The following FBN1 variants were observed in gnomAD, a reference collection of about 807,000 sequenced individuals.
The protein encoded by FBN1 is fibrillin-1.
A neutral mutation model predicts 365.1 loss-of-function variants in FBN1; 29 were observed. The observed-to-expected ratio is 0.08, with a 90% CI of 0.06 to 0.11. The LOEUF is 0.11. Ranked by LOEUF, FBN1 falls within the 10% of genes least tolerant of loss-of-function variation. FBN1 has a pLI of 1.00. For missense variants in FBN1, 2,476 were observed against 3,703.2 expected (o/e 0.67, Z 8.60); for synonymous variants, 1,210 against 1,270.5 (o/e 0.95, Z 1.01).
At position 48,510,179 on chromosome 15, in the gene FBN1, A is replaced by G. The variant is rs1374491947; in HGVS notation, c.1589-10T>C. On this transcript the variant is annotated splice_polypyrimidine_tract_variant and intron_variant, in intron 13 of 65. Transcript: ENST00000316623. ...AAACACTCATCAATGTCTAAAATCA[A>G]AGTTTAAAAAGAAGAAATAGCTTTA... is the stretch of plus-strand genomic sequence containing the variant. 6.2e-7 allele frequency: 1 copy of G among 1,612,632 alleles called. No individual in the cohort carries two copies.
At chr15:48,553,242 A>G (rs574843937) in intron 6 of FBN1, among the ~76,000 whole-genome samples, 1 of 152,292 alleles carries the variant, frequency 6.6e-6, no homozygotes, top group Non-Finnish European at 1.5e-5. Context: ...AGTAAAGACC[A>G]CCATCCCCTC....
chr15:48,461,124 T>C (rs925570215), intron 42 of FBN1, among the ~76,000 whole-genome samples: 36 of 152,186 alleles, frequency 2.4e-4, no homozygotes, highest in Admixed American at 2.0e-4. Context: ...TTATTCTCCT[T>C]GTGTTTTGTC....
chr15:48,531,705 G>C (rs963448755), intron 8 of FBN1, among the ~76,000 whole-genome samples: 12 of 152,134 alleles, frequency 7.9e-5, no homozygotes, highest in African/African-American at 2.9e-4. Flanking sequence ...AAAAGAGCAA[G>C]GACGTCGAAA....
At position 48,581,701 on chromosome 15, in the gene FBN1, G is replaced by T. The variant is rs1454968630; in HGVS notation, c.538+14582C>A. Among the ~76,000 whole-genome samples, 3 of 152,122 alleles carry T rather than the reference G, an allele frequency of 2.0e-5. No homozygotes were observed. In the East Asian group the frequency reaches 5.8e-4, roughly 29 times the overall value. Reference sequence around the variant, plus strand: ...ATAGCAAAGTGTCAGCAGTCTGACTGAAAATCAAAAAGGTGTGAAAAATGA... The same window carrying T: ...ATAGCAAAGTGTCAGCAGTCTGACTTAAAATCAAAAAGGTGTGAAAAATGA... On this transcript the variant is annotated intron_variant, in intron 6 of 65. Transcript: ENST00000316623.
At position 48,636,362 on chromosome 15, in the gene FBN1, T is replaced by C. The variant is rs527754367; in HGVS notation, c.164+8244A>G. ...CCAGGCAATGTCGAGGACATATGAGTCCATGTGACCCCAGCCAGCCAGCCC... is the reference window on the plus strand; with the variant it reads ...CCAGGCAATGTCGAGGACATATGAGCCCATGTGACCCCAGCCAGCCAGCCC... On this transcript the variant is annotated intron_variant, in intron 2 of 65. Transcript: ENST00000316623. Among the ~76,000 whole-genome samples, 3 of 152,004 alleles carry C rather than the reference T, an allele frequency of 2.0e-5. No homozygotes were observed. In the East Asian group the frequency reaches 5.8e-4, roughly 29 times the overall value.
intron 32 of FBN1, among the ~76,000 whole-genome samples, chr15:48,479,981 C>T (rs2043454411): frequency 6.6e-6 from 1 of 152,132 alleles, no homozygotes; most frequent in Non-Finnish European, 1.5e-5. Flanking sequence ...TTGACAATAG[C>T]TTTTATTTAT....
intron 43 of FBN1, 24 bp from the exon 44 acceptor site, chr15:48,456,786 G>C: frequency 3.7e-6 from 6 of 1,610,496 alleles, no homozygotes; most frequent in Non-Finnish European, 5.1e-6. Flanking sequence ...AGTCATTCAT[G>C]AGTGACAGGA....
chr15:48,507,778 G>T (rs975839279), intron 15 of FBN1, among the ~76,000 whole-genome samples: 3 of 152,154 alleles, frequency 2.0e-5, no homozygotes, highest in Admixed American at 6.5e-5. Flanking sequence ...CATTTTAGCA[G>T]ATTTTCTGGA....
intron 44 of FBN1, among the ~76,000 whole-genome samples, chr15:48,453,262 C>T (rs1241622458): frequency 2.4e-5 from 1 of 42,070 alleles, no homozygotes; most frequent in Admixed American, 2.9e-4. Flanking sequence ...AAGTCCAAAA[C>T]AAACAAACAA....
chr15:48,508,734 G>A, intron 14 of FBN1, 30 bp from the exon 15 acceptor site: 1 of 1,612,190 alleles, frequency 6.2e-7, no homozygotes, highest in African/African-American at 1.3e-5. Context: ...ATTTTCTTAT[G>A]ACCAGAAGAG....
rs1260533788 is a variant in FBN1, at chr15:48,432,930, A to G, written c.6675T>C (p.Tyr2225=). Residue 2225 remains tyrosine, a synonymous_variant, in exon 55 of 66, where the codon TAT becomes TAC. Transcript: ENST00000316623. ...CGGGACATTTGCATTCATATGACCC[A>G]TAAGTGTTCACACATCGGAAGGCAC... ...LLCAFRCVNT[Y]GSYECKCPVG... is the part of the protein sequence containing the mutation. 4 of 1,613,514 alleles carry G rather than the reference A, an allele frequency of 2.5e-6. No homozygotes were observed. The highest frequency in any genetic ancestry group is 2.2e-5 in the East Asian group (1 of 44,896).
chr15:48,600,384 T>C, intron 4 of FBN1, 150 bp from the exon 5 acceptor site: 1 of 696,692 alleles, frequency 1.4e-6, no homozygotes, highest in East Asian at 2.7e-5. Context: ...TAATTGAGAA[T>C]GCTAAACATA....
intron 50 of FBN1, 116 bp downstream of exon 50, chr15:48,441,605 T>A: frequency 1.5e-6 from 2 of 1,346,426 alleles, no homozygotes; most frequent in Non-Finnish European, 2.1e-6. Context: ...TCTGGGTGAA[T>A]GAAAACTCTC....
At chr15:48,414,787 T>C (rs958370675) in intron 64 of FBN1, among the ~76,000 whole-genome samples, 2 of 151,480 alleles carry the variant, frequency 1.3e-5, no homozygotes, top group Non-Finnish European at 2.9e-5. Context: ...TCCCAGCTAC[T>C]CCAGAGGCTG....
Position 48,489,863 on chromosome 15 carries a change from G to T in FBN1, c.3070C>A (p.Pro1024Thr). 6.2e-7 allele frequency: 1 copy of T among 1,613,960 alleles called. No homozygotes were observed. The highest frequency in any genetic ancestry group is 1.1e-5 in the South Asian group (1 of 91,074). ...CGTAACATTGTACCTTTGAAGAAAG[G>T]CTTTCCATTTGTAATTTCTTTTGTG... is the stretch of plus-strand genomic sequence containing the variant. ...FATKEITNGK[P>T]FFKDINECKM... Residue 1024 changes from proline (P) to threonine (T), a missense_variant, in exon 25 of 66, where the codon CCT (proline) becomes ACT (threonine). This residue lies in a region of FBN1 where 1,780 missense variants were observed against 2,840.8 expected (regional missense o/e 0.63). Coordinates refer to ENST00000316623, the MANE Select transcript of FBN1 (RefSeq NM_000138.5).
chr15:48,444,513 C>A, intron 49 of FBN1, 28 bp downstream of exon 49: 1 of 1,612,626 alleles, frequency 6.2e-7, no homozygotes, highest in Non-Finnish European at 8.5e-7. Flanking sequence ...CGACACTCCT[C>A]ATTTGCTACA....
chr15:48,438,258 G>A lies in FBN1; in HGVS notation c.6164-341C>T, dbSNP rs187038962. Among the ~76,000 whole-genome samples, 162 of 152,238 alleles carry A rather than the reference G, an allele frequency of 1.1e-3. 2 individuals carry two copies. The highest frequency in any genetic ancestry group is 1.0e-3 in the South Asian group (5 of 4,822). On this transcript the variant is annotated intron_variant, in intron 50 of 65. Transcript: ENST00000316623. ...TTCAGGATTGGAAAGTCCACAGAAG[G>A]AATCATTCACAAGATTCCTTCATTG...
At chr15:48,589,838 G>C (rs907284195) in intron 6 of FBN1, among the ~76,000 whole-genome samples, 8 of 151,946 alleles carry the variant, frequency 5.3e-5, no homozygotes, top group Non-Finnish European at 1.0e-4. Context: ...GGATGGTCTC[G>C]ATCTCCTGAC....
intron 6 of FBN1, among the ~76,000 whole-genome samples, chr15:48,588,843 G>C (rs1227556187): frequency 2.0e-5 from 3 of 152,182 alleles, no homozygotes; most frequent in Non-Finnish European, 4.4e-5. Context: ...CAAGTCATGA[G>C]AGAGGCTTCA....
Sources: gnomAD v4.1 joint callset for allele counts (sites outside exome capture counted in the v4.1 genomes callset) on GRCh38, gnomAD v4.1.1 for gene constraint, gnomAD v4.1.1 regional missense constraint, MANE v1.5 for transcripts, NCBI Gene and HGNC (gene_info 2026-07-23, HGNC 2026-07-21) for gene names.